Variants in C10orf105 observed in about 807,000 individuals in gnomAD.
C10orf105 encodes chromosome 10 open reading frame 105, also known as uncharacterized protein C10orf105.
In C10orf105, 2 loss-of-function variants were observed where a neutral mutation model predicts 0.6. That is an observed-to-expected ratio of 3.18 (90% CI 1.30 to 10.01). C10orf105 has a LOEUF of 10.01. Among genes scored for constraint, C10orf105 ranks in the 30% most tolerant of loss-of-function variants. C10orf105 has a pLI of 0.04. For synonymous variants in C10orf105, 95 were observed against 82.4 expected, an observed-to-expected ratio of 1.15 and a Z score of -0.83; for missense variants, 209 against 191.4, an observed-to-expected ratio of 1.09 and a Z score of -0.54.
intron 1 of C10orf105, chr10:71,725,648 C>A: frequency 8.7e-7 from 1 of 1,146,912 alleles, no homozygotes; most frequent in Non-Finnish European, 1.2e-6. Flanking sequence ...TGAATGACAT[C>A]TGGGCCTAAG....
At chr10:71,722,860 TAAG>T (rs1303688056), upstream of C10orf105, among the ~76,000 whole-genome samples, 3 of 152,156 alleles carry the variant, frequency 2.0e-5, no homozygotes, top group African/African-American at 7.2e-5. Context: ...CCAGGGCAGT[TAAG>T]AGGAGAGAGT....
exon 1 of C10orf105, chr10:71,737,745 G>T: frequency 2.1e-6 from 1 of 470,160 alleles, no homozygotes. Flanking sequence ...TCCAGCCGCA[G>T]TGGCCTGTGG....
chr10:71,732,202 G>A (rs767739689), intron 1 of C10orf105: 21 of 1,613,620 alleles, frequency 1.3e-5, no homozygotes, highest in South Asian at 9.9e-5. Context: ...GGACGAGGCC[G>A]TGCAGTTCTC....
upstream of C10orf105, among the ~76,000 whole-genome samples, chr10:71,723,741 G>A (rs1866672472): frequency 6.6e-6 from 1 of 152,218 alleles, no homozygotes; most frequent in Non-Finnish European, 1.5e-5. Flanking sequence ...GAGAAAGCCT[G>A]GACCCAGCGA....
intron 1 of C10orf105, among the ~76,000 whole-genome samples, chr10:71,736,597 A>T (rs1839572430): frequency 6.6e-6 from 1 of 151,982 alleles, no homozygotes; most frequent in African/African-American, 2.4e-5. Context: ...AGGCCTGGGA[A>T]CCTGTCCTCC....
exon 1 of C10orf105, chr10:71,737,815 G>C (rs926405882): frequency 4.7e-5 from 22 of 467,278 alleles, no homozygotes; most frequent in Non-Finnish European, 7.5e-5. Flanking sequence ...CTCTCCACAA[G>C]AAGCCCGAGC....
upstream of C10orf105, among the ~76,000 whole-genome samples, chr10:71,722,285 A>T (rs73275842): frequency 3.3e-5 from 5 of 152,150 alleles, no homozygotes; most frequent in Admixed American, 3.3e-4. Flanking sequence ...TACAAAAAAA[A>T]TAATAATAAT....
At chr10:71,725,392 C>A (rs757628798) in intron 1 of C10orf105, 1 of 1,614,004 alleles carries the variant, frequency 6.2e-7, no homozygotes, top group South Asian at 1.1e-5. Context: ...CAACAACTTC[C>A]GGATCCATGT....
At chr10:71,716,566 T>C (rs1478029000) in intron 1 of C10orf105, 3 of 449,136 alleles carry the variant, frequency 6.7e-6, no homozygotes, top group Non-Finnish European at 1.2e-5. Flanking sequence ...TCAGGCCCTC[T>C]TCCTGTTCCA....
chr10:71,724,059 C>T (rs775197615), upstream of C10orf105: 10 of 1,560,594 alleles, frequency 6.4e-6, no homozygotes, highest in Admixed American at 3.8e-5. Flanking sequence ...AAGCCACGGA[C>T]GCAGATGAGG....
intron 1 of C10orf105, among the ~76,000 whole-genome samples, chr10:71,730,066 C>T (rs188216248): frequency 0.019 from 2,906 of 152,200 alleles, 54 homozygotes; most frequent in Non-Finnish European, 0.029. Flanking sequence ...GATCTTCTGA[C>T]CTCGTGATCT....
At chr10:71,730,337 T>G in intron 1 of C10orf105, 1 of 1,157,780 alleles carries the variant, frequency 8.6e-7, no homozygotes, top group Non-Finnish European at 1.2e-6. Flanking sequence ...CAGACAGGCC[T>G]GGGGTCCTAG....
chr10:71,724,457 C>T (rs886222592), upstream of C10orf105, among the ~76,000 whole-genome samples: 3 of 152,330 alleles, frequency 2.0e-5, no homozygotes, highest in Non-Finnish European at 2.9e-5. Context: ...GGACTACAGG[C>T]GCATGCCTGT....
intron 1 of C10orf105, chr10:71,717,319 G>A (rs1040086600): frequency 5.3e-5 from 8 of 152,198 alleles, no homozygotes; most frequent in African/African-American, 1.9e-4. Flanking sequence ...TCAGAAGCAG[G>A]TCTCCTGACT....
intron 1 of C10orf105, among the ~76,000 whole-genome samples, chr10:71,731,501 G>A (rs994735140): frequency 1.3e-5 from 2 of 152,178 alleles, no homozygotes; most frequent in African/African-American, 4.8e-5. Flanking sequence ...TGAATGGTTT[G>A]TTTCAAGGCA....
chr10:71,732,772 A>T (rs1839433641), intron 1 of C10orf105: 4 of 996,052 alleles, frequency 4.0e-6, no homozygotes, highest in Non-Finnish European at 4.9e-6. Context: ...CCCATCACAG[A>T]TCCTTCACCT....
intron 1 of C10orf105, among the ~76,000 whole-genome samples, chr10:71,736,794 T>A (rs1839579531): frequency 6.6e-6 from 1 of 152,204 alleles, no homozygotes; most frequent in Non-Finnish European, 1.5e-5. Context: ...CCTTCCTAAG[T>A]GTACGATACA....
intron 1 of C10orf105, among the ~76,000 whole-genome samples, chr10:71,727,691 G>A (rs1310577700): frequency 3.9e-5 from 6 of 152,024 alleles, no homozygotes; most frequent in African/African-American, 1.4e-4. Flanking sequence ...ATATGCCCAC[G>A]CACACCTCCT....
At chr10:71,735,594 C>T (rs758596160) in intron 1 of C10orf105, among the ~76,000 whole-genome samples, 6 of 152,218 alleles carry the variant, frequency 3.9e-5, no homozygotes, top group African/African-American at 9.7e-5. Context: ...CCTCATCAGC[C>T]TTGGTTACAG....
Sources: allele counts gnomAD v4.1 joint callset (sites outside exome capture counted in the v4.1 genomes callset), GRCh38; gene constraint gnomAD v4.1.1; transcripts MANE v1.5; gene names NCBI Gene and HGNC (gene_info 2026-07-23, HGNC 2026-07-21).